ARHGEF4: variants seen among roughly 807,000 people sequenced by gnomAD.
ARHGEF4 encodes the protein APC-stimulated guanine nucleotide exchange factor 1.
In ARHGEF4, 119 loss-of-function variants were observed where a neutral mutation model predicts 162.0. That is an observed-to-expected ratio of 0.73 (90% CI 0.63 to 0.86). The LOEUF is 0.86. Among genes scored for constraint, ARHGEF4 ranks in the 40% least tolerant of loss-of-function variants. The pLI, the probability that ARHGEF4 is intolerant of heterozygous loss-of-function variation, is 0.00. For missense variants in ARHGEF4, 2,488 were observed against 2,456.0 expected (o/e 1.01, Z -0.28); for synonymous variants, 1,014 against 979.9 (o/e 1.03, Z -0.65).
chr2:130,943,329 G>A (rs544444493), intron 3 of ARHGEF4, among the ~76,000 whole-genome samples: 1 of 151,998 alleles, frequency 6.6e-6, no homozygotes, highest in Non-Finnish European at 1.5e-5. Context: ...CTTTCTACCT[G>A]CCTTTATCAT....
chr2:130,866,120 C>T (rs1480226907), intron 1 of ARHGEF4, among the ~76,000 whole-genome samples: 3 of 152,074 alleles, frequency 2.0e-5, no homozygotes, highest in Non-Finnish European at 4.4e-5. Context: ...CCTGTAATCC[C>T]AGTACTTTGG....
intron 1 of ARHGEF4, among the ~76,000 whole-genome samples, chr2:130,837,913 A>G (rs1354723335): frequency 2.0e-5 from 3 of 152,248 alleles, no homozygotes; most frequent in African/African-American, 7.2e-5. Context: ...CCGGAGTTGA[A>G]GACGGGAGGT....
At chr2:131,009,979 T>C (rs992093582) in intron 4 of ARHGEF4, among the ~76,000 whole-genome samples, 1 of 152,372 alleles carries the variant, frequency 6.6e-6, no homozygotes, top group Admixed American at 6.5e-5. Context: ...TGTTTTGTTT[T>C]TTCCGACCTT....
chr2:130,840,811 C>G (rs534099435), intron 1 of ARHGEF4, among the ~76,000 whole-genome samples: 2 of 152,318 alleles, frequency 1.3e-5, no homozygotes, highest in South Asian at 4.1e-4. Context: ...AGAACCAGCC[C>G]TCAATGGTGC....
chr2:131,020,479 G>A lies in ARHGEF4; in HGVS notation c.3986-7466G>A, dbSNP rs151071027. 3.0e-3 allele frequency among the ~76,000 whole-genome samples: 456 copies of A among 151,948 alleles called. 5 individuals are homozygous for A. Among genetic ancestry groups the A allele is most frequent in the East Asian group, 0.023 (116 of 5,152 alleles). On this transcript the variant is annotated intron_variant, in intron 4 of 13. Coordinates refer to ENST00000409359, the MANE Select transcript of ARHGEF4 (RefSeq NM_001367493.1). The stretch of plus-strand genomic sequence containing the variant: ...CTTGCGATAGTTTGCTGAGAATGAT[G>A]GTTTCCAGCTTCATCCATGTCCCTT...
chr2:130,938,344 A>C (rs894302182), intron 3 of ARHGEF4, among the ~76,000 whole-genome samples: 1 of 152,102 alleles, frequency 6.6e-6, no homozygotes, highest in Non-Finnish European at 1.5e-5. Flanking sequence ...TTTTTTTGCT[A>C]CTTTTAAATT....
chr2:131,023,958 G>A (rs1050068289), intron 4 of ARHGEF4, among the ~76,000 whole-genome samples: 4 of 152,070 alleles, frequency 2.6e-5, no homozygotes, highest in African/African-American at 9.7e-5. Flanking sequence ...AAAAGGAATG[G>A]AGTATTAATA....
intron 4 of ARHGEF4, among the ~76,000 whole-genome samples, chr2:131,024,149 T>C (rs183851461): frequency 2.2e-4 from 34 of 152,356 alleles, no homozygotes; most frequent in Admixed American, 1.0e-3. Flanking sequence ...ACTGGACTTA[T>C]GAAAGCTAGA....
At chr2:130,976,349 C>CTGTGTGTGTGTG (rs70994727) in intron 4 of ARHGEF4, among the ~76,000 whole-genome samples, 1 of 147,984 alleles carries the variant, frequency 6.8e-6, no homozygotes, top group South Asian at 2.1e-4. Context: ...GTGTGTGTGT[C>CTGTGTGTGTGTG]TGTGTGTGTG....
Position 130,946,507 on chromosome 2 carries a change from A to G in ARHGEF4, c.3859-2A>G, listed in dbSNP as rs768971777. ...CCCTCTGTCTCTTTCCTCCTCTTCC[A>G]GTGCTGGAGAAAGACGATCATTACC... On this transcript the variant is annotated splice_acceptor_variant, in intron 3 of 13. Transcript: ENST00000409359. LOFTEE classifies it high-confidence loss of function. 1.2e-6 allele frequency: 2 copies of G among 1,606,848 alleles called. No homozygotes were observed. Among genetic ancestry groups the G allele is most frequent in the Admixed American group, 3.4e-5 (2 of 58,602 alleles).
At position 130,915,283 on chromosome 2, in the gene ARHGEF4, T is replaced by C. The variant is rs1414298458; in HGVS notation, c.1337T>C (p.Leu446Ser). ...CLVASCLTSELVKLSAEEVPE... is the reference protein window; with the variant it reads ...CLVASCLTSESVKLSAEEVPE... ...GTGGCTTCATGCCTCACCTCAGAGT[T>C]AGTGAAGCTCAGTGCAGAGGAAGTG... The change falls in exon 2 of 14, where the codon TTA becomes TCA. Residue 446 changes from leucine to serine, a missense_variant. By Grantham distance (145) the Leu-to-Ser change is moderately radical (BLOSUM62 -2). Around this residue, in one of 6 missense-constraint regions of ARHGEF4, gnomAD observed 1,642 missense variants for 1,481.5 expected, o/e 1.11. Coordinates refer to ENST00000409359, the MANE Select transcript of ARHGEF4 (RefSeq NM_001367493.1). 6.4e-7 allele frequency: 1 copy of C among 1,550,414 alleles called. No individual in the cohort carries two copies. Among genetic ancestry groups the C allele is most frequent in the Non-Finnish European group, 8.7e-7 (1 of 1,147,012 alleles).
At chr2:130,919,266 G>A (rs973293139) in intron 2 of ARHGEF4, among the ~76,000 whole-genome samples, 12 of 152,142 alleles carry the variant, frequency 7.9e-5, no homozygotes, top group African/African-American at 2.7e-4. Context: ...TTGAGCATGC[G>A]TCCTTAGATA....
intron 13 of ARHGEF4, 30 bp from the exon 14 acceptor site, chr2:131,046,008 C>G (rs749060765): frequency 1.3e-6 from 2 of 1,595,168 alleles, no homozygotes; most frequent in Non-Finnish European, 1.7e-6. Flanking sequence ...CCTGGGCACC[C>G]ATGACCCTCT....
chr2:130,977,995 C>G (rs1368947621), intron 4 of ARHGEF4, among the ~76,000 whole-genome samples: 1 of 152,094 alleles, frequency 6.6e-6, no homozygotes. Flanking sequence ...GAAAATAGGG[C>G]CTAGGGAGGG....
intron 3 of ARHGEF4, among the ~76,000 whole-genome samples, chr2:130,931,491 C>T (rs976682953): frequency 1.3e-5 from 2 of 152,216 alleles, no homozygotes; most frequent in African/African-American, 4.8e-5. Flanking sequence ...AGGGCCCCCT[C>T]TTCCTTCTCT....
chr2:130,938,441 G>T (rs57267954), intron 3 of ARHGEF4, among the ~76,000 whole-genome samples: 3 of 151,966 alleles, frequency 2.0e-5, no homozygotes, highest in African/African-American at 7.3e-5. Context: ...AAATATTTTC[G>T]TGTGCATATT....
At chr2:130,837,678 G>A (rs1156578913) in intron 1 of ARHGEF4, 1 of 441,182 alleles carries the variant, frequency 2.3e-6, no homozygotes, top group South Asian at 1.6e-5. Flanking sequence ...GCCGGCCACA[G>A]GTTGCCAAGC....
At chr2:130,950,059 C>T (rs1052768138) in intron 4 of ARHGEF4, among the ~76,000 whole-genome samples, 4 of 152,238 alleles carry the variant, frequency 2.6e-5, no homozygotes, top group African/African-American at 9.6e-5. Flanking sequence ...AAGTGACGTT[C>T]TTTCAGAGAT....
At chr2:131,023,432 T>TA (rs992271468) in intron 4 of ARHGEF4, among the ~76,000 whole-genome samples, 5 of 151,272 alleles carry the variant, frequency 3.3e-5, no homozygotes, top group African/African-American at 1.2e-4. Context: ...GACCTCATCT[T>TA]AAAAAAAATA....
Sources: gnomAD v4.1 joint callset for allele counts (sites outside exome capture counted in the v4.1 genomes callset) on GRCh38, gnomAD v4.1.1 for gene constraint, gnomAD v4.1.1 regional missense constraint, MANE v1.5 for transcripts, NCBI Gene and HGNC (gene_info 2026-07-23, HGNC 2026-07-21) for gene names.